Variants in CTNND2 observed in about 807,000 individuals in gnomAD.
CTNND2 encodes the protein catenin delta-2.
A neutral mutation model predicts 144.4 loss-of-function variants in CTNND2; 22 were observed. The ratio of observed to expected loss-of-function variants is 0.15; its 90% CI spans 0.11 to 0.22. The LOEUF is 0.22. Among genes scored for constraint, CTNND2 ranks in the 10% least tolerant of loss-of-function variants. The pLI is 1.00. For missense variants in CTNND2, 1,353 were observed against 1,618.8 expected, an observed-to-expected ratio of 0.84 and a Z score of 2.82; for synonymous variants, 751 against 695.6, an observed-to-expected ratio of 1.08 and a Z score of -1.25.
At chr5:11,802,477 G>A (rs780619915) in intron 1 of CTNND2, among the ~76,000 whole-genome samples, 4 of 150,730 alleles carry the variant, frequency 2.7e-5, no homozygotes, top group Non-Finnish European at 4.4e-5. Flanking sequence ...TGAGGCAGGA[G>A]AATTGCTTGA....
At chr5:11,159,112 A>G (rs1422116085) in intron 12 of CTNND2, among the ~76,000 whole-genome samples, 1 of 152,252 alleles carries the variant, frequency 6.6e-6, no homozygotes, top group East Asian at 1.9e-4. Context: ...AGAATTATAG[A>G]ATCTTACAGT....
rs189656683 is a variant in CTNND2, at chr5:11,375,090, A to G, written c.1177+9575T>C. ...GATGTTTTACATCTCAACATCCTAA[A>G]CAGAGGCCTTTTTCCTCAGATTGCA... On this transcript the variant is annotated intron_variant, in intron 7 of 21. Coordinates refer to ENST00000304623, the MANE Select transcript of CTNND2 (RefSeq NM_001332.4). Among the ~76,000 whole-genome samples the G allele has an allele frequency of 3.1e-3, 468 of 152,318 alleles. 1 individual carries two copies. Among genetic ancestry groups the G allele is most frequent in the Non-Finnish European group, 5.3e-3 (358 of 68,024 alleles).
At chr5:11,060,904 TC>T (rs1357889791) in intron 16 of CTNND2, among the ~76,000 whole-genome samples, 1 of 152,226 alleles carries the variant, frequency 6.6e-6, no homozygotes, top group African/African-American at 2.4e-5. Context: ...AGATGAGACT[TC>T]CTGTAGATGT....
At chr5:11,356,001 G>T (rs1393039816) in intron 8 of CTNND2, among the ~76,000 whole-genome samples, 1 of 151,758 alleles carries the variant, frequency 6.6e-6, no homozygotes, top group African/African-American at 2.4e-5. Flanking sequence ...GAGATAAAAG[G>T]CCTTTACACT....
intron 2 of CTNND2, among the ~76,000 whole-genome samples, chr5:11,700,633 A>T (rs1785390496): frequency 6.6e-6 from 1 of 152,156 alleles, no homozygotes; most frequent in Non-Finnish European, 1.5e-5. Flanking sequence ...TTGGGCTGCC[A>T]TCCTTTTGTC....
At chr5:11,203,777 A>T (rs1216979412) in intron 10 of CTNND2, among the ~76,000 whole-genome samples, 3 of 152,266 alleles carry the variant, frequency 2.0e-5, no homozygotes, top group African/African-American at 7.2e-5. Context: ...TGTTATTTAT[A>T]TATAATTCAA....
intron 3 of CTNND2, among the ~76,000 whole-genome samples, chr5:11,485,782 A>G (rs980261274): frequency 1.6e-4 from 24 of 152,208 alleles, no homozygotes; most frequent in Admixed American, 1.6e-3. Flanking sequence ...AAACAAGAAA[A>G]TGAATAGCTA....
chr5:11,681,912 TAAGAAACAGAC>T (rs1206936560), intron 2 of CTNND2, among the ~76,000 whole-genome samples: 3 of 152,192 alleles, frequency 2.0e-5, no homozygotes, highest in Non-Finnish European at 4.4e-5. Flanking sequence ...CACAACATAG[TAAGAAACAGAC>T]AAGAAACAGA....
chr5:11,743,885 T>C (rs1394084134), intron 1 of CTNND2, among the ~76,000 whole-genome samples: 1 of 152,178 alleles, frequency 6.6e-6, no homozygotes, highest in Non-Finnish European at 1.5e-5. Flanking sequence ...TATCCTTGCA[T>C]GAGCTATTCA....
chr5:11,252,929 G>A (rs1036962073), intron 9 of CTNND2, among the ~76,000 whole-genome samples: 1 of 152,156 alleles, frequency 6.6e-6, no homozygotes, highest in Non-Finnish European at 1.5e-5. Context: ...TCTAAATCAA[G>A]AGTTGTGTAA....
At chr5:11,467,312 A>C (rs940398093) in intron 3 of CTNND2, among the ~76,000 whole-genome samples, 1 of 152,192 alleles carries the variant, frequency 6.6e-6, no homozygotes, top group African/African-American at 2.4e-5. Flanking sequence ...CACTTCCTGC[A>C]TGGTTTCTGC....
intron 21 of CTNND2, among the ~76,000 whole-genome samples, chr5:10,980,095 C>T (rs1252631141): frequency 6.6e-6 from 1 of 152,088 alleles, no homozygotes; most frequent in Non-Finnish European, 1.5e-5. Context: ...GCAAAAGAAA[C>T]TATCATCAGA....
chr5:11,610,816 C>G (rs1459477903), intron 2 of CTNND2, among the ~76,000 whole-genome samples: 2 of 152,104 alleles, frequency 1.3e-5, no homozygotes, highest in African/African-American at 2.4e-5. Context: ...CATATTTGCT[C>G]AGGTAGAAAA....
chr5:11,662,730 G>A (rs776729093), intron 2 of CTNND2, among the ~76,000 whole-genome samples: 27 of 152,222 alleles, frequency 1.8e-4, no homozygotes, highest in East Asian at 9.7e-4. Flanking sequence ...TGTGAACTGC[G>A]CATGCAAGAG....
intron 3 of CTNND2, among the ~76,000 whole-genome samples, chr5:11,501,526 G>C (rs1000109523): frequency 6.6e-6 from 1 of 152,218 alleles, no homozygotes; most frequent in Non-Finnish European, 1.5e-5. Flanking sequence ...AACATAAATG[G>C]AAAGTCAGTG....
chr5:11,661,732 T>C (rs982173954), intron 2 of CTNND2, among the ~76,000 whole-genome samples: 19 of 152,192 alleles, frequency 1.2e-4, no homozygotes, highest in African/African-American at 4.6e-4. Flanking sequence ...TTCTGTTCCC[T>C]AAGGATTATT....
At chr5:10,990,409 C>T (rs1738538400) in intron 19 of CTNND2, among the ~76,000 whole-genome samples, 1 of 152,196 alleles carries the variant, frequency 6.6e-6, no homozygotes, top group Non-Finnish European at 1.5e-5. Flanking sequence ...GCATCCAGTT[C>T]CTGTCTGCTC....
At chr5:11,361,250 A>AC (rs1371000688) in intron 8 of CTNND2, among the ~76,000 whole-genome samples, 1 of 152,118 alleles carries the variant, frequency 6.6e-6, no homozygotes, top group Non-Finnish European at 1.5e-5. Context: ...CAAACTCCTG[A>AC]CCTCAAGTGA....
chr5:11,828,619 C>T (rs920753802), intron 1 of CTNND2, among the ~76,000 whole-genome samples: 3 of 152,222 alleles, frequency 2.0e-5, no homozygotes, highest in African/African-American at 7.2e-5. Flanking sequence ...GTTGCTCTTC[C>T]TTGCCTTCTG....
Sources: gnomAD v4.1 joint callset for allele counts (sites outside exome capture counted in the v4.1 genomes callset) on GRCh38, gnomAD v4.1.1 for gene constraint, MANE v1.5 for transcripts, NCBI Gene and HGNC (gene_info 2026-07-23, HGNC 2026-07-21) for gene names.